The following PLCH1 variants were observed in gnomAD, a reference collection of about 807,000 sequenced individuals.
PLCH1 encodes phospholipase C eta 1, also known as 1-phosphatidylinositol 4,5-bisphosphate phosphodiesterase eta-1.
PLCH1 carries 60 observed loss-of-function variants against 126.7 expected under a neutral mutation model. That is an observed-to-expected ratio of 0.47 (90% CI 0.38 to 0.59). PLCH1 has a LOEUF of 0.59. Ranked by LOEUF, PLCH1 falls within the 20% of genes least tolerant of loss-of-function variation. The pLI is 0.00. For synonymous variants in PLCH1, 719 were observed against 734.9 expected (o/e 0.98, Z 0.35); for missense variants, 1,723 against 2,040.0 (o/e 0.84, Z 2.99).
chr3:155,470,896 A>T, intron 21 of PLCH1, among the ~76,000 whole-genome samples: 1 of 152,176 alleles, frequency 6.6e-6, no homozygotes. Context: ...TGTCACCACC[A>T]GGCCTGCCCT....
intron 10 of PLCH1, among the ~76,000 whole-genome samples, chr3:155,544,133 AG>A (rs1560141005): frequency 6.6e-6 from 1 of 152,166 alleles, no homozygotes; most frequent in Admixed American, 6.5e-5. Context: ...TGCTGTATTC[AG>A]GAAACCCATC....
chr3:155,719,362 G>T (rs1359904100), intron 1 of PLCH1, among the ~76,000 whole-genome samples: 1 of 151,250 alleles, frequency 6.6e-6, no homozygotes, highest in East Asian at 1.9e-4. Context: ...ACCGGGGCCT[G>T]TTGTGGGGTT....
intron 1 of PLCH1, among the ~76,000 whole-genome samples, chr3:155,723,056 G>A (rs1452862343): frequency 1.3e-5 from 2 of 152,134 alleles, no homozygotes. Flanking sequence ...TAGGAGGATT[G>A]TATAGTTCCA....
chr3:155,538,619 A>T (rs979419908), intron 10 of PLCH1, among the ~76,000 whole-genome samples: 3 of 152,180 alleles, frequency 2.0e-5, no homozygotes, highest in Non-Finnish European at 4.4e-5. Context: ...TACTATGAAC[A>T]CCTTTACATG....
intron 2 of PLCH1, among the ~76,000 whole-genome samples, chr3:155,658,793 C>T (rs1048810269): frequency 2.0e-5 from 3 of 152,120 alleles, no homozygotes; most frequent in African/African-American, 4.8e-5. Context: ...ATATTCCTAC[C>T]GACAAGTATG....
intron 2 of PLCH1, among the ~76,000 whole-genome samples, chr3:155,664,345 C>A (rs7610374): frequency 0.14 from 21,682 of 152,242 alleles, 1,590 homozygotes; most frequent in Middle Eastern, 0.22. Flanking sequence ...ACCCTTCGGT[C>A]AAGACTCCCT....
chr3:155,500,917 A>G (rs937514629), intron 13 of PLCH1, 123 bp from the exon 14 acceptor site: 25 of 663,380 alleles, frequency 3.8e-5, no homozygotes, highest in Non-Finnish European at 5.9e-5. Flanking sequence ...GGAGAAAATG[A>G]CCAAATATTG....
At chr3:155,699,751 A>G (rs1746119645) in intron 2 of PLCH1, among the ~76,000 whole-genome samples, 1 of 151,708 alleles carries the variant, frequency 6.6e-6, no homozygotes, top group Admixed American at 6.6e-5. Context: ...ATATAATCAC[A>G]TTTGTCCTGA....
At position 155,553,511 on chromosome 3, in the gene PLCH1, A is replaced by T. The variant is rs1726406885; in HGVS notation, c.1190+565T>A. ...GATCTAGGGCAAAACCTTAGAAAAC[A>T]GTTAACCATTAGAGGAATGAGGAAA... On this transcript the variant is annotated intron_variant, in intron 9 of 22. Transcript: ENST00000460012. Among the ~76,000 whole-genome samples, 3 of 152,202 alleles carry T rather than the reference A, an allele frequency of 2.0e-5. No individual in the cohort carries two copies. The South Asian group carries it at 6.2e-4, about 32-fold the overall frequency.
intron 21 of PLCH1, among the ~76,000 whole-genome samples, chr3:155,453,922 A>G (rs941065309): frequency 7.2e-5 from 11 of 152,110 alleles, no homozygotes; most frequent in Admixed American, 5.9e-4. Context: ...ACAGGGAGGG[A>G]ATTATGCATA....
At chr3:155,501,333 G>GA (rs1192864125) in intron 13 of PLCH1, among the ~76,000 whole-genome samples, 1 of 151,912 alleles carries the variant, frequency 6.6e-6, no homozygotes, top group Admixed American at 6.6e-5. Context: ...CTAGCAGCAG[G>GA]AAAAAAAATT....
intron 21 of PLCH1, among the ~76,000 whole-genome samples, chr3:155,470,428 A>G (rs1479528977): frequency 6.6e-6 from 1 of 152,186 alleles, no homozygotes; most frequent in East Asian, 1.9e-4. Flanking sequence ...GGACTATGTG[A>G]AAAGACCAAA....
intron 10 of PLCH1, among the ~76,000 whole-genome samples, chr3:155,543,112 C>T (rs1421552623): frequency 6.6e-6 from 1 of 152,088 alleles, no homozygotes; most frequent in African/African-American, 2.4e-5. Flanking sequence ...GAAATTCAAA[C>T]CAAAGGCAAA....
At chr3:155,721,652 A>G (rs1187404164) in intron 1 of PLCH1, among the ~76,000 whole-genome samples, 1 of 152,200 alleles carries the variant, frequency 6.6e-6, no homozygotes, top group Non-Finnish European at 1.5e-5. Flanking sequence ...TCATCGGCAA[A>G]AAACCACAGT....
intron 10 of PLCH1, among the ~76,000 whole-genome samples, chr3:155,534,048 C>T (rs1020930262): frequency 1.2e-4 from 19 of 152,290 alleles, no homozygotes; most frequent in African/African-American, 4.6e-4. Context: ...GAGTTGGAGG[C>T]CCCATACAAA....
At chr3:155,577,078 T>C (rs1287536065) in intron 6 of PLCH1, among the ~76,000 whole-genome samples, 1 of 152,172 alleles carries the variant, frequency 6.6e-6, no homozygotes, top group Non-Finnish European at 1.5e-5. Flanking sequence ...GATAGCATGG[T>C]GAGACCCTGT....
intron 2 of PLCH1, among the ~76,000 whole-genome samples, chr3:155,681,069 A>G (rs1461807174): frequency 1.3e-5 from 2 of 152,314 alleles, no homozygotes; most frequent in Middle Eastern, 3.4e-3. Context: ...ACATATGAAA[A>G]AAATGTTATC....
chr3:155,562,229 CTG>C (rs945291392), intron 8 of PLCH1, among the ~76,000 whole-genome samples: 1 of 152,216 alleles, frequency 6.6e-6, no homozygotes, highest in Non-Finnish European at 1.5e-5. Context: ...TTGCTTCACT[CTG>C]TTTCCATGAT....
intron 2 of PLCH1, among the ~76,000 whole-genome samples, chr3:155,618,066 G>T (rs1300336245): frequency 6.6e-6 from 1 of 152,124 alleles, no homozygotes; most frequent in African/African-American, 2.4e-5. Flanking sequence ...AATTATTCTT[G>T]TTGCATTTTA....
Sources: gnomAD v4.1 joint callset for allele counts (sites outside exome capture counted in the v4.1 genomes callset) on GRCh38, gnomAD v4.1.1 for gene constraint, MANE v1.5 for transcripts, NCBI Gene and HGNC (gene_info 2026-07-23, HGNC 2026-07-21) for gene names.